The following CEPT1 variants were observed in gnomAD, a reference collection of about 807,000 sequenced individuals.
CEPT1 encodes the protein choline/ethanolaminephosphotransferase 1.
A neutral mutation model predicts 42.6 loss-of-function variants in CEPT1; 7 were observed. That is an observed-to-expected ratio of 0.16 (90% CI 0.09 to 0.31). CEPT1 has a LOEUF of 0.31. CEPT1 is among the 10% of genes least tolerant of loss of function. The probability of loss-of-function intolerance (pLI) is 1.00; values close to 1 mark genes in which losing one functional copy is unlikely to be tolerated. For missense variants in CEPT1, 306 were observed against 502.1 expected (o/e 0.61, Z 3.73); for synonymous variants, 171 against 171.9 (o/e 0.99, Z 0.04).
intron 5 of CEPT1, chr1:111,178,861 T>G (rs1214963756): frequency 6.6e-6 from 1 of 152,198 alleles, no homozygotes; most frequent in Non-Finnish European, 1.5e-5. Context: ...TGATTATATC[T>G]CATTCTTGAA....
chr1:111,165,541 G>C (rs1350332992), intron 4 of CEPT1, among the ~76,000 whole-genome samples: 1 of 152,072 alleles, frequency 6.6e-6, no homozygotes, highest in African/African-American at 2.4e-5. Flanking sequence ...GGCAAGGCTC[G>C]TAACTTTCAT....
intron 4 of CEPT1, among the ~76,000 whole-genome samples, chr1:111,171,001 C>G (rs1171853095): frequency 2.0e-5 from 3 of 152,106 alleles, no homozygotes; most frequent in Non-Finnish European, 4.4e-5. Context: ...CTTTGAAATG[C>G]ATATGTCACA....
intron 1 of CEPT1, among the ~76,000 whole-genome samples, chr1:111,143,974 C>T (rs1409170296): frequency 6.6e-6 from 1 of 152,204 alleles, no homozygotes; most frequent in African/African-American, 2.4e-5. Flanking sequence ...AGGTGATCCA[C>T]CTGCCTCAGC....
intron 4 of CEPT1, among the ~76,000 whole-genome samples, chr1:111,170,202 TG>T (rs1283396230): frequency 1.3e-5 from 2 of 152,156 alleles, no homozygotes; most frequent in African/African-American, 4.8e-5. Flanking sequence ...TTTTCAAAGG[TG>T]ATAAAGATAG....
chr1:111,171,553 G>A (rs1656412262), intron 4 of CEPT1, among the ~76,000 whole-genome samples: 1 of 152,152 alleles, frequency 6.6e-6, no homozygotes, highest in East Asian at 1.9e-4. Flanking sequence ...CACATCAGAT[G>A]AATGGTTTGC....
At chr1:111,139,622 A>C (rs1654111107), upstream of CEPT1, 2 of 152,252 alleles carry the variant, frequency 1.3e-5, no homozygotes, top group African/African-American at 4.8e-5. Flanking sequence ...TTTTCTCCGG[A>C]AGCGCGAAGC....
intron 1 of CEPT1, among the ~76,000 whole-genome samples, chr1:111,145,039 A>C (rs1452413801): frequency 6.6e-6 from 1 of 151,522 alleles, no homozygotes; most frequent in African/African-American, 2.4e-5. Flanking sequence ...TTTTTAAGAC[A>C]GAGTCTCGCT....
At chr1:111,154,187 GTATTTTATTTTATTTTATTT>G (rs201981261) in intron 2 of CEPT1, among the ~76,000 whole-genome samples, 6,511 of 131,090 alleles carry the variant, frequency 0.05, 186 homozygotes, top group African/African-American at 0.062. Flanking sequence ...TTATTCCCAA[GTATTTTATTTTATTTTATTT>G]TATTTTATTT....
intron 2 of CEPT1, among the ~76,000 whole-genome samples, chr1:111,154,508 G>T (rs1391129018): frequency 6.6e-6 from 1 of 152,024 alleles, no homozygotes; most frequent in East Asian, 1.9e-4. Flanking sequence ...AATTACTCTA[G>T]CTGGGACTTC....
chr1:111,167,230 T>C (rs1462883890), intron 4 of CEPT1: 1 of 985,118 alleles, frequency 1.0e-6, no homozygotes, highest in Admixed American at 6.2e-5. Flanking sequence ...TGTACAATGG[T>C]GTGAATTCAA....
intron 2 of CEPT1, among the ~76,000 whole-genome samples, chr1:111,150,550 G>C (rs898726871): frequency 2.0e-5 from 3 of 152,144 alleles, no homozygotes; most frequent in Middle Eastern, 3.4e-3. Flanking sequence ...TTGTATCTCT[G>C]ATTCTTTTGG....
chr1:111,153,776 CAT>C (rs1260082849), intron 2 of CEPT1, among the ~76,000 whole-genome samples: 2 of 152,128 alleles, frequency 1.3e-5, no homozygotes, highest in Admixed American at 1.3e-4. Context: ...GCTGTAAATA[CAT>C]AGATTTATTT....
chr1:111,167,465 G>A, intron 4 of CEPT1: 1 of 860,582 alleles, frequency 1.2e-6, no homozygotes, highest in Non-Finnish European at 1.4e-6. Context: ...TTTATTCTAT[G>A]TACTATTTTT....
In CEPT1 at chr1:111,146,814, C is replaced by T. The variant is rs1187622364; in HGVS notation, c.-73-828C>T. 5.3e-5 allele frequency among the ~76,000 whole-genome samples: 8 copies of T among 151,526 alleles called. No individual in the cohort carries two copies. In the East Asian group the frequency reaches 7.8e-4, roughly 15 times the overall value. On this transcript the variant is annotated intron_variant, in intron 1 of 8. Coordinates refer to ENST00000357172, the MANE Select transcript of CEPT1 (RefSeq NM_006090.5). ...CTTTTACTTTTTTTCCTTCTACTTCCTCAGTTCATCAGGACACTCTGCTAA... is the reference window on the plus strand; with the variant it reads ...CTTTTACTTTTTTTCCTTCTACTTCTTCAGTTCATCAGGACACTCTGCTAA...
intron 3 of CEPT1, chr1:111,160,046 T>TA (rs895689790): frequency 1.3e-5 from 2 of 152,314 alleles, no homozygotes; most frequent in African/African-American, 4.8e-5. Context: ...AAAAGGTAAC[T>TA]ATGGGACATG....
chr1:111,183,056 A>AGTT, intron 7 of CEPT1, 99 bp downstream of exon 7: 1 of 1,215,624 alleles, frequency 8.2e-7, no homozygotes. Flanking sequence ...ATGGTCCTAG[A>AGTT]GTTTGCCCTC....
chr1:111,158,832 C>A (rs1194441507), intron 2 of CEPT1, among the ~76,000 whole-genome samples: 1 of 151,582 alleles, frequency 6.6e-6, no homozygotes, highest in East Asian at 1.9e-4. Context: ...TTTGTAATCT[C>A]CCTTGTAAGT....
At chr1:111,177,480 C>A (rs1656740899) in intron 5 of CEPT1, among the ~76,000 whole-genome samples, 1 of 152,050 alleles carries the variant, frequency 6.6e-6, no homozygotes, top group South Asian at 2.1e-4. Flanking sequence ...AACCTGTGTG[C>A]CTAATTATTT....
chr1:111,142,118 T>TA (rs1654670809), intron 1 of CEPT1, among the ~76,000 whole-genome samples: 1 of 152,224 alleles, frequency 6.6e-6, no homozygotes, highest in African/African-American at 2.4e-5. Flanking sequence ...AGGAATAATG[T>TA]AGCCCATATG....
Sources: gnomAD v4.1 joint callset for allele counts (sites outside exome capture counted in the v4.1 genomes callset) on GRCh38, gnomAD v4.1.1 for gene constraint, MANE v1.5 for transcripts, NCBI Gene and HGNC (gene_info 2026-07-23, HGNC 2026-07-21) for gene names.